The following THSD4 variants were observed in gnomAD, a reference collection of about 807,000 sequenced individuals.
THSD4 encodes thrombospondin type 1 domain containing 4.
In THSD4, 69 loss-of-function variants were observed where a neutral mutation model predicts 119.0. That is an observed-to-expected ratio of 0.58 (90% CI 0.48 to 0.71). THSD4 has a LOEUF of 0.71. Among genes scored for constraint, THSD4 ranks in the 30% least tolerant of loss-of-function variants. THSD4 has a pLI of 0.00. For synonymous variants in THSD4, 524 were observed against 540.4 expected, an observed-to-expected ratio of 0.97 and a Z score of 0.42; for missense variants, 1,393 against 1,391.1, an observed-to-expected ratio of 1.00 and a Z score of -0.02.
intron 7 of THSD4, among the ~76,000 whole-genome samples, chr15:71,466,683 T>A (rs1312549971): frequency 6.6e-6 from 1 of 152,242 alleles, no homozygotes; most frequent in South Asian, 2.1e-4. Context: ...TGACCCTCCC[T>A]GCTTCCAGCT....
At chr15:71,223,717 A>G (rs1039029485) in intron 4 of THSD4, among the ~76,000 whole-genome samples, 1 of 152,204 alleles carries the variant, frequency 6.6e-6, no homozygotes, top group Admixed American at 6.5e-5. Context: ...CAGCTCAGGT[A>G]TGAATACCTA....
At chr15:71,213,593 A>C (rs544764564) in intron 3 of THSD4, among the ~76,000 whole-genome samples, 52 of 152,288 alleles carry the variant, frequency 3.4e-4, no homozygotes, top group Non-Finnish European at 6.2e-4. Context: ...CTGGCTCAGC[A>C]CTGGCATACA....
chr15:71,202,207 T>A (rs564450594), intron 3 of THSD4, among the ~76,000 whole-genome samples: 1 of 152,306 alleles, frequency 6.6e-6, no homozygotes, highest in Admixed American at 6.5e-5. Flanking sequence ...CTTGGAAACA[T>A]CATCTATTTG....
At chr15:71,720,750 C>A (rs2052706358) in intron 8 of THSD4, among the ~76,000 whole-genome samples, 1 of 152,214 alleles carries the variant, frequency 6.6e-6, no homozygotes. Flanking sequence ...GGCAAAGAAG[C>A]CAGGCTTCTG....
chr15:71,237,137 G>A (rs1431200234), intron 4 of THSD4, among the ~76,000 whole-genome samples: 1 of 152,140 alleles, frequency 6.6e-6, no homozygotes, highest in Non-Finnish European at 1.5e-5. Flanking sequence ...GAGTGGGTAA[G>A]CCAAGGAGTT....
chr15:71,110,004 T>C (rs914747333), intron 1 of THSD4, among the ~76,000 whole-genome samples: 3 of 152,218 alleles, frequency 2.0e-5, no homozygotes, highest in Admixed American at 6.5e-5. Context: ...AGAAAGCCGG[T>C]TTGCTGAAGA....
At chr15:71,167,398 G>T (rs1256339775) in intron 3 of THSD4, among the ~76,000 whole-genome samples, 2 of 152,204 alleles carry the variant, frequency 1.3e-5, no homozygotes, top group African/African-American at 2.4e-5. Context: ...ACAAAAACAG[G>T]TAGTGAGCTA....
At chr15:71,583,404 T>C (rs1360236614) in intron 7 of THSD4, among the ~76,000 whole-genome samples, 1 of 152,026 alleles carries the variant, frequency 6.6e-6, no homozygotes, top group Non-Finnish European at 1.5e-5. Flanking sequence ...TTTTATTTCA[T>C]TTATTTCTGC....
chr15:71,691,177 A>G (rs2052042111), intron 8 of THSD4, among the ~76,000 whole-genome samples: 1 of 152,194 alleles, frequency 6.6e-6, no homozygotes, highest in African/African-American at 2.4e-5. Flanking sequence ...CTGGAAAGGC[A>G]AGGAAACAAT....
chr15:71,141,533 T>C lies in THSD4; in HGVS notation c.6T>C (p.Val2=). 2 of 1,610,130 alleles carry C rather than the reference T, an allele frequency of 1.2e-6. No homozygotes were observed. The highest frequency in any genetic ancestry group is 1.1e-5 in the South Asian group (1 of 89,932). ...TTGCCTGGACCCCCAGCATCATGGT[T>C]TCCCATTTCATGGGGTCTCTCAGGT... M[V]SHFMGSLSVL... Residue 2 remains valine, a synonymous_variant, in exon 2 of 18, where the codon GTT becomes GTC. Coordinates refer to ENST00000261862, the MANE Select transcript of THSD4 (RefSeq NM_024817.3).
At chr15:71,136,555 A>G (rs968377457) in intron 1 of THSD4, among the ~76,000 whole-genome samples, 3 of 152,072 alleles carry the variant, frequency 2.0e-5, no homozygotes. Flanking sequence ...TCCTTCTAGC[A>G]TCTCTGGTCC....
In THSD4 at chr15:71,737,971, C is replaced by T. The variant is rs1162684185; in HGVS notation, c.1870C>T (p.Leu624Phe). 6.2e-7 allele frequency: 1 copy of T among 1,613,874 alleles called. No individual in the cohort carries two copies. The highest frequency in any genetic ancestry group is 8.5e-7 in the Non-Finnish European group (1 of 1,179,822). The stretch of plus-strand genomic sequence containing the variant: ...CAGCCGGGATCACAACTGGAAGCAG[C>T]TTGGGACAACAGAATGTTCCACGAC... ...RRSRDHNWKQ[L>F]GTTECSTTCG... The change falls in exon 11 of 18, where the codon CTT becomes TTT. Residue 624 changes from leucine (L) to phenylalanine (F), a missense_variant. Physicochemically the swap from Leu to Phe is conservative, Grantham distance 22. Coordinates refer to ENST00000261862, the MANE Select transcript of THSD4 (RefSeq NM_024817.3).
chr15:71,372,017 A>C lies in THSD4; in HGVS notation c.1016-39670A>C, dbSNP rs190371696. 2.6e-3 allele frequency among the ~76,000 whole-genome samples: 392 copies of C among 152,028 alleles called. 3 individuals are homozygous for C. Among genetic ancestry groups the C allele is most frequent in the Non-Finnish European group, 3.5e-3 (237 of 67,992 alleles). On this transcript the variant is annotated intron_variant, in intron 6 of 17. Transcript: ENST00000261862. ...TTCTCTAAACTTCTCTTCTCGCTTC[A>C]TTTCATTCATTTGATCTTCAGTCAC...
In THSD4 at chr15:71,354,309, G is replaced by C. The variant is rs572579576; in HGVS notation, c.1016-57378G>C. Among the ~76,000 whole-genome samples, 5 of 152,258 alleles carry C rather than the reference G, an allele frequency of 3.3e-5. No individual in the cohort carries two copies. In the East Asian group the frequency reaches 9.7e-4, roughly 29 times the overall value. The stretch of plus-strand genomic sequence containing the variant: ...GTTTCTATAAAGAAAAGAAAAGGGA[G>C]CTGATAAAGGAGACTGAGGGGAGAG... On this transcript the variant is annotated intron_variant, in intron 6 of 17. Coordinates refer to ENST00000261862, the MANE Select transcript of THSD4 (RefSeq NM_024817.3).
intron 6 of THSD4, among the ~76,000 whole-genome samples, chr15:71,375,124 C>T (rs578256756): frequency 9.2e-5 from 14 of 152,276 alleles, no homozygotes; most frequent in African/African-American, 3.4e-4. Flanking sequence ...TATGCATTCA[C>T]TTAATAAAAA....
chr15:71,763,292 T>C (rs1019107387), intron 15 of THSD4, among the ~76,000 whole-genome samples: 1 of 152,160 alleles, frequency 6.6e-6, no homozygotes, highest in Non-Finnish European at 1.5e-5. Context: ...TGGCTGCCTA[T>C]GGACAGCAAA....
chr15:71,493,690 TTC>T (rs1448096107), intron 7 of THSD4, among the ~76,000 whole-genome samples: 1 of 152,204 alleles, frequency 6.6e-6, no homozygotes, highest in African/African-American at 2.4e-5. Flanking sequence ...GGCATGAACT[TTC>T]TCTGTCTTTA....
chr15:71,449,677 T>G (rs1186891085), intron 7 of THSD4, among the ~76,000 whole-genome samples: 1 of 152,138 alleles, frequency 6.6e-6, no homozygotes, highest in Non-Finnish European at 1.5e-5. Flanking sequence ...TGTAGACATT[T>G]TATAGTCACT....
intron 8 of THSD4, among the ~76,000 whole-genome samples, chr15:71,727,738 C>A: frequency 7.5e-6 from 1 of 134,002 alleles, no homozygotes; most frequent in East Asian, 2.4e-4. Context: ...CCACTGCACT[C>A]CAGCCTGGGC....
Sources: allele counts gnomAD v4.1 joint callset (sites outside exome capture counted in the v4.1 genomes callset), GRCh38; gene constraint gnomAD v4.1.1; transcripts MANE v1.5; gene names NCBI Gene and HGNC (gene_info 2026-07-23, HGNC 2026-07-21).